TNS1: variants seen among roughly 807,000 people sequenced by gnomAD.
The protein encoded by TNS1 is tensin 1.
A neutral mutation model predicts 168.6 loss-of-function variants in TNS1; 62 were observed. The ratio of observed to expected loss-of-function variants is 0.37; its 90% confidence interval spans 0.30 to 0.45. TNS1 has a LOEUF of 0.45. Among genes scored for constraint, TNS1 ranks in the 20% least tolerant of loss-of-function variants. The probability of loss-of-function intolerance (pLI) is 1.00; values close to 1 mark genes in which losing one functional copy is unlikely to be tolerated. For synonymous variants in TNS1, 934 were observed against 933.2 expected, an observed-to-expected ratio of 1.00 and a Z score of -0.02; for missense variants, 2,240 against 2,339.4, an observed-to-expected ratio of 0.96 and a Z score of 0.88.
At chr2:217,844,928 T>G (rs755765706) in intron 19 of TNS1, among the ~76,000 whole-genome samples, 1 of 152,234 alleles carries the variant, frequency 6.6e-6, no homozygotes, top group Non-Finnish European at 1.5e-5. Context: ...GGCTAGGACA[T>G]CCAATACAAT....
chr2:217,961,465 T>G (rs1575140586), intron 3 of TNS1, among the ~76,000 whole-genome samples: 1 of 152,128 alleles, frequency 6.6e-6, no homozygotes, highest in African/African-American at 2.4e-5. Context: ...GTCCAAGTCC[T>G]GAAAGTACCT....
intron 18 of TNS1, chr2:217,859,845 T>C: frequency 3.2e-6 from 2 of 627,842 alleles, no homozygotes; most frequent in Non-Finnish European, 5.6e-6. Context: ...TGATGTGCCC[T>C]GGAAAGTGCC....
chr2:217,926,245 T>C (rs1305963748), intron 3 of TNS1, among the ~76,000 whole-genome samples: 2 of 152,230 alleles, frequency 1.3e-5, no homozygotes, highest in African/African-American at 2.4e-5. Flanking sequence ...TTCATTTCTA[T>C]TGTTTAAGTC....
intron 1 of TNS1, among the ~76,000 whole-genome samples, chr2:218,026,957 T>A (rs1318536253): frequency 6.6e-6 from 1 of 152,204 alleles, no homozygotes; most frequent in Non-Finnish European, 1.5e-5. Flanking sequence ...GATACTGGCC[T>A]GGTGGGCTCA....
intron 18 of TNS1, among the ~76,000 whole-genome samples, chr2:217,851,115 A>G (rs1228613082): frequency 6.7e-6 from 1 of 150,032 alleles, no homozygotes; most frequent in Non-Finnish European, 1.5e-5. Flanking sequence ...CACCTCCCTC[A>G]TATCACAAAC....
At chr2:217,952,354 G>C (rs940570202) in intron 3 of TNS1, among the ~76,000 whole-genome samples, 1 of 152,164 alleles carries the variant, frequency 6.6e-6, no homozygotes, top group African/African-American at 2.4e-5. Context: ...AATAAGCAGG[G>C]GTGATAGGAC....
At chr2:217,810,161 C>T in intron 29 of TNS1, 87 bp downstream of exon 29, 1 of 1,515,696 alleles carries the variant, frequency 6.6e-7, no homozygotes, top group Non-Finnish European at 9.1e-7. Flanking sequence ...CCTGGAGAGA[C>T]CTCCAGCCTG....
At chr2:218,031,555 A>C (rs1015051696) in intron 1 of TNS1, among the ~76,000 whole-genome samples, 2 of 131,498 alleles carry the variant, frequency 1.5e-5, no homozygotes, top group Non-Finnish European at 1.5e-5. Context: ...GTATGAGTGT[A>C]TGTGTGTGTC....
chr2:217,853,948 G>A (rs1247965852), intron 18 of TNS1, among the ~76,000 whole-genome samples: 1 of 152,168 alleles, frequency 6.6e-6, no homozygotes, highest in Non-Finnish European at 1.5e-5. Flanking sequence ...AAGAACGAAG[G>A]AAACAAATAG....
intron 1 of TNS1, among the ~76,000 whole-genome samples, chr2:218,028,956 A>T (rs1393785923): frequency 1.3e-5 from 2 of 152,196 alleles, no homozygotes; most frequent in Non-Finnish European, 2.9e-5. Context: ...CCTTGGCACC[A>T]GGCTCTGTCC....
At chr2:218,019,260 T>A (rs1958786614) in intron 1 of TNS1, among the ~76,000 whole-genome samples, 1 of 151,984 alleles carries the variant, frequency 6.6e-6, no homozygotes, top group Admixed American at 6.6e-5. Context: ...AAGAGCTGGA[T>A]CTCCCAGAAA....
At chr2:217,923,151 G>A (rs905774959) in intron 3 of TNS1, among the ~76,000 whole-genome samples, 1 of 152,160 alleles carries the variant, frequency 6.6e-6, no homozygotes, top group African/African-American at 2.4e-5. Context: ...GACTCTGGGG[G>A]TGGCTATAGG....
At chr2:217,954,077 C>G (rs1957304012) in intron 3 of TNS1, among the ~76,000 whole-genome samples, 3 of 152,232 alleles carry the variant, frequency 2.0e-5, no homozygotes, top group African/African-American at 7.2e-5. Flanking sequence ...TCTGCAGAAG[C>G]TGGCTTGGGC....
intron 18 of TNS1, among the ~76,000 whole-genome samples, chr2:217,851,912 G>A (rs921189067): frequency 2.0e-5 from 3 of 152,196 alleles, no homozygotes; most frequent in Non-Finnish European, 4.4e-5. Flanking sequence ...GGGAGGCTGA[G>A]GCAGGTGGAT....
At chr2:217,807,923 C>G (rs1246335009) in intron 32 of TNS1, 152 bp downstream of exon 32, 3 of 935,792 alleles carry the variant, frequency 3.2e-6, no homozygotes, top group Non-Finnish European at 4.9e-6. Flanking sequence ...GAAGCCTGGT[C>G]AAGCTTCACT....
At chr2:217,856,699 A>G (rs1486554765) in intron 18 of TNS1, among the ~76,000 whole-genome samples, 1 of 152,192 alleles carries the variant, frequency 6.6e-6, no homozygotes, top group Non-Finnish European at 1.5e-5. Context: ...AAAAAAAATT[A>G]CCAAAGATTT....
chr2:217,948,498 T>G lies in TNS1; in HGVS notation c.187-28262A>C, dbSNP rs1358042226. Among the ~76,000 whole-genome samples the G allele has an allele frequency of 6.6e-6, 1 of 152,108 alleles. No individual in the cohort carries two copies. Among genetic ancestry groups the G allele is most frequent in the Non-Finnish European group, 1.5e-5 (1 of 67,986 alleles). ...CAGGCCCCAGGGGCCACTCTAGGCA[T>G]GCAATGTCTATGCATTTGAGCTGTA... On this transcript the variant is annotated intron_variant, in intron 3 of 32. Transcript: ENST00000682258. The surrounding 1 kb of genome is among the most constrained non-coding windows in gnomAD (Gnocchi z 4.1).
chr2:217,900,548 G>A (rs1439605324), intron 6 of TNS1, 36 bp from the exon 7 acceptor site: 1 of 1,533,236 alleles, frequency 6.5e-7, no homozygotes, highest in South Asian at 1.2e-5. Context: ...ATTATGCAGG[G>A]GTGGGCAGGA....
chr2:218,029,287 T>A (rs1313948775), intron 1 of TNS1, among the ~76,000 whole-genome samples: 1 of 143,004 alleles, frequency 7.0e-6, no homozygotes, highest in East Asian at 2.0e-4. Context: ...GAGAATCTTC[T>A]CCCATCCCCA....
Sources: allele counts gnomAD v4.1 joint callset (sites outside exome capture counted in the v4.1 genomes callset), GRCh38; gene constraint gnomAD v4.1.1; non-coding constraint Gnocchi (gnomAD v3.1); transcripts MANE v1.5; gene names NCBI Gene and HGNC (gene_info 2026-07-23, HGNC 2026-07-21).